SLC39A11: variants seen among roughly 807,000 people sequenced by gnomAD.
SLC39A11 encodes the protein solute carrier family 39 member 11, also known as zinc transporter ZIP11.
In SLC39A11, 33 loss-of-function variants were observed where a neutral mutation model predicts 36.1. That is an observed-to-expected ratio of 0.91 (90% CI 0.69 to 1.22). SLC39A11 has a LOEUF of 1.22. Among genes scored for constraint, SLC39A11 ranks in the 50% most tolerant of loss-of-function variants. SLC39A11 has a pLI of 0.00. For synonymous variants in SLC39A11, 166 were observed against 170.3 expected (o/e 0.97, Z 0.20); for missense variants, 432 against 430.3 (o/e 1.00, Z -0.03).
chr17:72,812,437 G>A (rs1264722322), intron 6 of SLC39A11, among the ~76,000 whole-genome samples: 1 of 152,232 alleles, frequency 6.6e-6, no homozygotes, highest in Non-Finnish European at 1.5e-5. Context: ...TAACAAAGAT[G>A]TCTAGGCAAT....
rs906535288 is a variant in SLC39A11 at position 72,676,013 on chromosome 17, C to A, written c.672-26745G>T. 4.0e-5 allele frequency among the ~76,000 whole-genome samples: 6 copies of A among 151,046 alleles called. No homozygotes were observed. The Admixed American group carries it at 4.0e-4, about 10-fold the overall frequency. On this transcript the variant is annotated intron_variant, in intron 7 of 9. Coordinates refer to ENST00000255559, the MANE Select transcript of SLC39A11 (RefSeq NM_139177.4). ...CAATTTACTTGAGGATCCTGCCCAG[C>A]CAAAGTCCTAAAGGTGGGTTACAAG...
chr17:73,041,307 T>G (rs1598981052), intron 3 of SLC39A11, among the ~76,000 whole-genome samples: 1 of 152,292 alleles, frequency 6.6e-6, no homozygotes, highest in African/African-American at 2.4e-5. Context: ...GAGAAGCAGG[T>G]AATCGCTGAT....
chr17:73,027,458 C>T (rs1056731301), intron 4 of SLC39A11, among the ~76,000 whole-genome samples: 8 of 152,210 alleles, frequency 5.3e-5, no homozygotes, highest in African/African-American at 1.9e-4. Flanking sequence ...TAACAGTTAC[C>T]GCAGAGCTTC....
intron 5 of SLC39A11, among the ~76,000 whole-genome samples, chr17:72,917,246 T>C (rs1364837638): frequency 6.6e-6 from 1 of 152,220 alleles, no homozygotes; most frequent in African/African-American, 2.4e-5. Flanking sequence ...ACTTCCGGGG[T>C]TGGGCCCTGA....
chr17:72,775,888 G>GT (rs756409118), intron 6 of SLC39A11, among the ~76,000 whole-genome samples: 22 of 152,318 alleles, frequency 1.4e-4, no homozygotes, highest in African/African-American at 3.6e-4. Flanking sequence ...GTATCTGCAC[G>GT]TATTTCTGAA....
chr17:72,784,606 G>A (rs2144945045), intron 6 of SLC39A11, among the ~76,000 whole-genome samples: 1 of 152,182 alleles, frequency 6.6e-6, no homozygotes, highest in East Asian at 1.9e-4. Flanking sequence ...CTGGATCCTG[G>A]GGGTGGATCC....
intron 2 of SLC39A11, 140 bp downstream of exon 2, chr17:73,088,517 C>A: frequency 1.6e-6 from 1 of 631,816 alleles, no homozygotes; most frequent in Non-Finnish European, 2.8e-6. Flanking sequence ...AAGAAGACAG[C>A]GAACAAACCC....
Position 72,669,409 on chromosome 17 carries a change from C to T in SLC39A11, c.672-20141G>A, listed in dbSNP as rs75523524. ...ACTTTGCAATAATGTTTCAGTCTTT[C>T]CTTGATTTTCATGACTTTGAAGAGT... On this transcript the variant is annotated intron_variant, in intron 7 of 9. Transcript: ENST00000255559. Among the ~76,000 whole-genome samples the T allele has an allele frequency of 6.2e-3, 937 of 152,256 alleles. 30 individuals carry two copies. The East Asian group carries it at 0.065, about 11-fold the overall frequency.
intron 6 of SLC39A11, among the ~76,000 whole-genome samples, chr17:72,744,985 G>A (rs1309741522): frequency 1.3e-5 from 2 of 152,146 alleles, no homozygotes; most frequent in African/African-American, 4.8e-5. Context: ...GGGATTACAG[G>A]TGCGCACCAC....
chr17:73,057,684 T>TC (rs2059710172), intron 3 of SLC39A11, among the ~76,000 whole-genome samples: 1 of 152,196 alleles, frequency 6.6e-6, no homozygotes, highest in Non-Finnish European at 1.5e-5. Context: ...ACGCCTGTAA[T>TC]CCTAGCACTT....
intron 4 of SLC39A11, among the ~76,000 whole-genome samples, chr17:73,003,724 G>A (rs2089963733): frequency 6.6e-6 from 1 of 152,134 alleles, no homozygotes; most frequent in African/African-American, 2.4e-5. Context: ...GGACAAAGAA[G>A]GCCTGAGTCA....
At chr17:73,082,733 G>A (rs968650509) in intron 3 of SLC39A11, among the ~76,000 whole-genome samples, 10 of 152,184 alleles carry the variant, frequency 6.6e-5, no homozygotes, top group East Asian at 1.9e-4. Context: ...ATTGTGGGCC[G>A]GGCATGGTGG....
chr17:72,929,714 C>G (rs1339874601), intron 5 of SLC39A11, among the ~76,000 whole-genome samples: 5 of 152,166 alleles, frequency 3.3e-5, no homozygotes, highest in African/African-American at 1.2e-4. Flanking sequence ...CCCTTCCCCT[C>G]CAGACCTCTC....
chr17:72,755,468 T>C (rs1203834732), intron 6 of SLC39A11, among the ~76,000 whole-genome samples: 1 of 152,184 alleles, frequency 6.6e-6, no homozygotes, highest in Non-Finnish European at 1.5e-5. Context: ...AGGATGACCA[T>C]GGGTCTCCAT....
intron 7 of SLC39A11, among the ~76,000 whole-genome samples, chr17:72,708,348 GA>G (rs1205718755): frequency 1.3e-5 from 2 of 152,138 alleles, no homozygotes; most frequent in Admixed American, 1.3e-4. Flanking sequence ...GTAGGAAAAG[GA>G]AAAATACTCT....
At chr17:72,785,056 T>C (rs2567523) in intron 6 of SLC39A11, among the ~76,000 whole-genome samples, 30,423 of 151,818 alleles carry the variant, frequency 0.2, 4,517 homozygotes, top group African/African-American at 0.42. Flanking sequence ...TTAGTAGAGA[T>C]GGAGTTTCAC....
chr17:72,693,897 C>T (rs868762692), intron 7 of SLC39A11, among the ~76,000 whole-genome samples: 10 of 152,120 alleles, frequency 6.6e-5, no homozygotes, highest in South Asian at 2.1e-4. Context: ...TTTCTGACCT[C>T]GTGATCCACC....
intron 5 of SLC39A11, among the ~76,000 whole-genome samples, chr17:72,902,132 G>A (rs1450936800): frequency 2.0e-5 from 3 of 152,066 alleles, no homozygotes; most frequent in African/African-American, 2.4e-5. Context: ...TTAGCCAGGC[G>A]TGGTGGCACA....
intron 4 of SLC39A11, among the ~76,000 whole-genome samples, chr17:72,986,676 C>T (rs1178204817): frequency 6.6e-6 from 1 of 152,170 alleles, no homozygotes; most frequent in Non-Finnish European, 1.5e-5. Flanking sequence ...TAACAGGCTC[C>T]CGGGGTGAAC....
Sources: allele counts gnomAD v4.1 joint callset (sites outside exome capture counted in the v4.1 genomes callset), GRCh38; gene constraint gnomAD v4.1.1; transcripts MANE v1.5; gene names NCBI Gene and HGNC (gene_info 2026-07-23, HGNC 2026-07-21).